SLAMF1: variants seen among roughly 807,000 people sequenced by gnomAD.
SLAMF1 encodes the protein signaling lymphocytic activation molecule.
SLAMF1 carries 18 observed loss-of-function variants against 35.1 expected under a neutral mutation model. The ratio of observed to expected loss-of-function variants is 0.51; its 90% CI spans 0.35 to 0.76. The LOEUF (loss-of-function observed/expected upper bound fraction) is 0.76, where lower values mean the gene tolerates loss of function less well. Among genes scored for constraint, SLAMF1 ranks in the 30% least tolerant of loss-of-function variants. The pLI is 0.01. For synonymous variants in SLAMF1, 168 were observed against 157.2 expected (o/e 1.07, Z -0.51); for missense variants, 392 against 413.0 (o/e 0.95, Z 0.44).
intron 2 of SLAMF1, chr1:160,636,920 T>C (rs1660481358): frequency 6.6e-6 from 3 of 452,182 alleles, no homozygotes; most frequent in Non-Finnish European, 1.2e-5. Context: ...CTATCGGCCC[T>C]CCAGCCCACA....
chr1:160,616,179 G>A (rs1031986977), intron 5 of SLAMF1, among the ~76,000 whole-genome samples: 15 of 152,114 alleles, frequency 9.9e-5, no homozygotes, highest in South Asian at 6.2e-4. Context: ...ACAGGAGAGC[G>A]ACCAACTTTA....
chr1:160,621,178 T>G (rs1056615338), intron 4 of SLAMF1, among the ~76,000 whole-genome samples: 2 of 152,206 alleles, frequency 1.3e-5, no homozygotes, highest in Non-Finnish European at 1.5e-5. Context: ...ATGGGATTAT[T>G]GCAAAGTCCA....
chr1:160,643,049 A>G (rs62746260), intron 1 of SLAMF1, among the ~76,000 whole-genome samples: 1 of 6,550 alleles, frequency 1.5e-4, no homozygotes, highest in South Asian at 0.056. Context: ...TTGGCCCCCC[A>G]CTTCCCCCTA....
chr1:160,623,079 C>T (rs1348596744), intron 4 of SLAMF1, among the ~76,000 whole-genome samples: 7 of 152,000 alleles, frequency 4.6e-5, no homozygotes, highest in Non-Finnish European at 8.8e-5. Flanking sequence ...AGCACTATTC[C>T]CTTAGAGCAC....
intron 1 of SLAMF1, 124 bp from the exon 2 acceptor site, chr1:160,637,653 A>AAAG: frequency 3.0e-6 from 2 of 668,986 alleles, no homozygotes; most frequent in Non-Finnish European, 5.0e-6. Context: ...TGGGGTTGCC[A>AAAG]AGTCCTTCGT....
At chr1:160,634,304 A>C (rs1570999873) in intron 3 of SLAMF1, 1 of 669,164 alleles carries the variant, frequency 1.5e-6, no homozygotes, top group Non-Finnish European at 1.9e-6. Context: ...GCAATCCCTC[A>C]CCCAGCCAAC....
intron 3 of SLAMF1, among the ~76,000 whole-genome samples, chr1:160,628,632 T>G (rs752967666): frequency 6.6e-6 from 1 of 152,110 alleles, no homozygotes; most frequent in East Asian, 1.9e-4. Context: ...CCGGAAACAA[T>G]ATAGGGCAGG....
At chr1:160,626,001 G>GA (rs1659863664) in intron 3 of SLAMF1, among the ~76,000 whole-genome samples, 1 of 152,154 alleles carries the variant, frequency 6.6e-6, no homozygotes, top group African/African-American at 2.4e-5. Context: ...CTATGGAACT[G>GA]ATCCAGCAAA....
chr1:160,623,578 C>T, intron 4 of SLAMF1: 1 of 398,932 alleles, frequency 2.5e-6, no homozygotes, highest in Non-Finnish European at 4.4e-6. Context: ...TGGTAGTAGT[C>T]AAGGTGGCTG....
chr1:160,620,376 C>T (rs547434915), intron 4 of SLAMF1, among the ~76,000 whole-genome samples: 8 of 151,900 alleles, frequency 5.3e-5, no homozygotes, highest in Non-Finnish European at 1.0e-4. Context: ...GGCGGGGGGA[C>T]GTGTAAGAGG....
intron 3 of SLAMF1, chr1:160,634,406 G>A (rs750012628): frequency 2.6e-5 from 26 of 983,914 alleles, no homozygotes; most frequent in African/African-American, 1.2e-4. Context: ...TGTTGGTTTC[G>A]TCAACTGTGA....
chr1:160,612,435 C>T, intron 6 of SLAMF1, 53 bp downstream of exon 6: 4 of 1,216,020 alleles, frequency 3.3e-6, no homozygotes, highest in Non-Finnish European at 3.5e-6. Context: ...TCCTCATTTT[C>T]CCCTCCTTCA....
intron 6 of SLAMF1, among the ~76,000 whole-genome samples, chr1:160,611,307 T>A (rs1658972800): frequency 6.6e-6 from 1 of 152,228 alleles, no homozygotes; most frequent in South Asian, 2.1e-4. Context: ...GGTTTTGCCA[T>A]AAAATGTTAA....
At chr1:160,639,766 T>G (rs1660644912) in intron 1 of SLAMF1, among the ~76,000 whole-genome samples, 1 of 152,198 alleles carries the variant, frequency 6.6e-6, no homozygotes, top group African/African-American at 2.4e-5. Context: ...ACCGATAGAA[T>G]AAAACCATAG....
intron 1 of SLAMF1, 107 bp downstream of exon 1, chr1:160,646,763 G>A: frequency 1.5e-6 from 1 of 679,530 alleles, no homozygotes; most frequent in Non-Finnish European, 2.8e-6. Flanking sequence ...CTAAGGAAGA[G>A]TGACCAAACA....
chr1:160,631,453 G>A (rs1258346554), intron 3 of SLAMF1, among the ~76,000 whole-genome samples: 1 of 152,174 alleles, frequency 6.6e-6, no homozygotes, highest in Non-Finnish European at 1.5e-5. Flanking sequence ...AGGTCATTAG[G>A]GAGATGTTTT....
rs755272807 is a variant in SLAMF1, at chr1:160,624,154, C to A, written c.732G>T (p.Leu244=). 6.2e-7 allele frequency: 1 copy of A among 1,611,552 alleles called. No individual in the cohort carries two copies. The part of the protein sequence containing the change: ...ETKPWAVYAG[L]LGGVIMILIM... The stretch of plus-strand genomic sequence containing the variant: ...TGAGAATCATGATGACACCCCCTAA[C>A]AGCCCAGCATACACTGCCCATGGTT... Residue 244 remains leucine (L), a synonymous_variant, in exon 4 of 7, where the codon CTG becomes CTT. Transcript: ENST00000302035.
chr1:160,637,407 C>T lies in SLAMF1; in HGVS notation c.199G>A (p.Ala67Thr). Reference sequence around the variant, plus strand: ...TCGACACTGTTCTCCAGTGATTTTGCCATTGTGACGACAATGTGGATGCTT... The same window carrying T: ...TCGACACTGTTCTCCAGTGATTTTGTCATTGTGACGACAATGTGGATGCTT... ...NKSIHIVVTM[A>T]KSLENSVENK... The change falls in exon 2 of 7, where the codon GCA (alanine) becomes ACA (threonine). Residue 67 changes from alanine (A) to threonine (T), a missense_variant. Transcript: ENST00000302035. The T allele has an allele frequency of 6.2e-7, 1 of 1,613,968 alleles. No homozygotes were observed. Among genetic ancestry groups the T allele is most frequent in the Non-Finnish European group, 8.5e-7 (1 of 1,179,880 alleles).
intron 5 of SLAMF1, among the ~76,000 whole-genome samples, chr1:160,613,113 A>C (rs977076935): frequency 6.6e-6 from 1 of 152,160 alleles, no homozygotes; most frequent in African/African-American, 2.4e-5. Context: ...ATGTTTTCCT[A>C]ATGTGTACAA....
Sources: allele counts gnomAD v4.1 joint callset (sites outside exome capture counted in the v4.1 genomes callset), GRCh38; gene constraint gnomAD v4.1.1; transcripts MANE v1.5; gene names NCBI Gene and HGNC (gene_info 2026-07-23, HGNC 2026-07-21).